Variants in PRDX6 observed in about 807,000 individuals in gnomAD.
The protein encoded by PRDX6 is peroxiredoxin 6.
PRDX6 carries 13 observed loss-of-function variants against 20.0 expected under a neutral mutation model. That is an observed-to-expected ratio of 0.65 (90% CI 0.42 to 1.03). PRDX6 has a LOEUF of 1.03. PRDX6 is among the 50% of genes least tolerant of loss of function. The pLI, the probability that PRDX6 is intolerant of heterozygous loss-of-function variation, is 0.00. For synonymous variants in PRDX6, 85 were observed against 100.8 expected, an observed-to-expected ratio of 0.84 and a Z score of 0.94; for missense variants, 203 against 276.9, an observed-to-expected ratio of 0.73 and a Z score of 1.89.
intron 1 of PRDX6, among the ~76,000 whole-genome samples, chr1:173,477,850 C>G (rs1658729477): frequency 6.6e-6 from 1 of 152,222 alleles, no homozygotes; most frequent in South Asian, 2.1e-4. Context: ...GTCCATTTAA[C>G]TCGTCTTAGT....
At position 173,487,796 on chromosome 1, in the gene PRDX6, C is replaced by T. The variant is rs201221884; in HGVS notation, c.608C>T (p.Pro203Leu). 98 of 1,614,070 alleles carry T rather than the reference C, an allele frequency of 6.1e-5. No individual in the cohort carries two copies. The African/African-American group carries it at 8.8e-4, about 14-fold the overall frequency. Residue 203 changes from proline (P) to leucine (L), a missense_variant, in exon 5 of 5, where the codon CCG (proline) becomes CTG (leucine). Physicochemically the swap from Pro to Leu is moderately conservative, Grantham distance 98. Coordinates refer to ENST00000340385, the MANE Select transcript of PRDX6 (RefSeq NM_004905.3). ...IPEEEAKKLF[P>L]KGVFTKELPS... Reference sequence around the variant, plus strand: ...GAAGAAGAAGCCAAAAAACTTTTCCCGAAAGGAGTCTTCACCAAAGAGCTC... The same window carrying T: ...GAAGAAGAAGCCAAAAAACTTTTCCTGAAAGGAGTCTTCACCAAAGAGCTC...
chr1:173,484,213 C>T (rs978213988), intron 2 of PRDX6, among the ~76,000 whole-genome samples: 1 of 144,822 alleles, frequency 6.9e-6, no homozygotes, highest in Admixed American at 6.9e-5. Flanking sequence ...TACATATGCA[C>T]ACGTATATAA....
At chr1:173,485,602 C>G (rs1658882856) in intron 3 of PRDX6, 95 bp downstream of exon 3, 1 of 1,148,778 alleles carries the variant, frequency 8.7e-7, no homozygotes, top group Admixed American at 2.9e-5. Flanking sequence ...AGGGGAATAT[C>G]TACGATTATG....
chr1:173,478,799 CTCT>C (rs1329036865), intron 1 of PRDX6, among the ~76,000 whole-genome samples: 9 of 152,156 alleles, frequency 5.9e-5, no homozygotes, highest in African/African-American at 1.9e-4. Context: ...CCTTTATAAC[CTCT>C]TAAGTCCCTT....
rs756042615 is a variant in PRDX6, at chr1:173,488,143, T to TC, written c.*280_*281insC. ...AAATCTTGTTGGATCTCTGCAGGGC[T>TC]TGTGACCAATGAAGTCATATTTGTT... On this transcript the variant is annotated 3_prime_UTR_variant, in exon 5 of 5. Coordinates refer to ENST00000340385, the MANE Select transcript of PRDX6 (RefSeq NM_004905.3). 3 of 292,570 alleles carry TC rather than the reference T, an allele frequency of 1.0e-5. No individual in the cohort carries two copies. The highest frequency in any genetic ancestry group is 1.9e-5 in the Non-Finnish European group (3 of 157,038). 18.1% of individuals were successfully genotyped at this position (292,570 alleles called of 1,614,324 possible). A position where few individuals can be genotyped will look rare whatever the true frequency, so the allele number is the denominator to read the frequency against.
intron 1 of PRDX6, among the ~76,000 whole-genome samples, chr1:173,478,032 C>CT (rs1658733072): frequency 6.6e-6 from 1 of 152,174 alleles, no homozygotes; most frequent in Non-Finnish European, 1.5e-5. Context: ...CAGCTGCTGG[C>CT]TATAGGTTAC....
intron 4 of PRDX6, among the ~76,000 whole-genome samples, chr1:173,487,279 T>C (rs1264930889): frequency 6.6e-6 from 1 of 152,134 alleles, no homozygotes; most frequent in Non-Finnish European, 1.5e-5. Context: ...GACCAAGGCA[T>C]GTATACTTGT....
intron 2 of PRDX6, 57 bp downstream of exon 2, chr1:173,481,539 A>G (rs1571396176): frequency 6.4e-7 from 1 of 1,552,388 alleles, no homozygotes; most frequent in Non-Finnish European, 8.9e-7. Flanking sequence ...GTTATAAATT[A>G]TGGAGTACTT....
intron 1 of PRDX6, among the ~76,000 whole-genome samples, chr1:173,479,151 C>T (rs1017820552): frequency 1.3e-5 from 2 of 152,156 alleles, no homozygotes; most frequent in Non-Finnish European, 2.9e-5. Context: ...TTTAAGCTAA[C>T]CATACTTTTT....
chr1:173,480,598 C>A (rs1658784585), intron 1 of PRDX6, among the ~76,000 whole-genome samples: 1 of 152,104 alleles, frequency 6.6e-6, no homozygotes, highest in Admixed American at 6.5e-5. Context: ...ATCTACATTG[C>A]AGGCTATCAA....
intron 2 of PRDX6, among the ~76,000 whole-genome samples, chr1:173,482,862 CA>C (rs1403927504): frequency 6.6e-6 from 1 of 152,150 alleles, no homozygotes. Flanking sequence ...TTTTTGCTAT[CA>C]TTTTTCATTT....
chr1:173,487,980 A>G lies in PRDX6; in HGVS notation c.*117A>G, dbSNP rs950709287. ...TCACAGCCAAGGTTTTTAGGTTGCT[A>G]TACCAATGGCTTATTAAATGAAAAT... On this transcript the variant is annotated 3_prime_UTR_variant, in exon 5 of 5. Transcript: ENST00000340385. 1.3e-5 allele frequency: 16 copies of G among 1,267,226 alleles called. No homozygotes were observed. The East Asian group carries it at 1.9e-4, about 15-fold the overall frequency. The allele number at this position is 1,267,226 out of a possible 1,614,324, so 78.5% of individuals were successfully genotyped here.
chr1:173,479,287 C>G (rs573698425), intron 1 of PRDX6, among the ~76,000 whole-genome samples: 1 of 152,258 alleles, frequency 6.6e-6, no homozygotes, highest in East Asian at 1.9e-4. Flanking sequence ...ATATACAAGT[C>G]TGCCTAGGAT....
At chr1:173,484,628 G>A (rs184005059) in intron 2 of PRDX6, among the ~76,000 whole-genome samples, 3 of 152,040 alleles carry the variant, frequency 2.0e-5, no homozygotes. Flanking sequence ...AAGCTTCCAG[G>A]GATAGGAAAA....
chr1:173,482,410 C>CAG (rs1484469545), intron 2 of PRDX6, among the ~76,000 whole-genome samples: 2 of 152,204 alleles, frequency 1.3e-5, no homozygotes, highest in African/African-American at 2.4e-5. Flanking sequence ...TCAGCAGGAA[C>CAG]AGAGACTCCT....
At position 173,487,986 on chromosome 1, in the gene PRDX6, A is replaced by AGGTTTTTAGG. The variant is rs1238566900; in HGVS notation, c.*123_*124insGGTTTTTAGG. 85 of 1,183,862 alleles carry AGGTTTTTAGG rather than the reference A, an allele frequency of 7.2e-5. No individual in the cohort carries two copies. The African/African-American group carries it at 1.1e-3, about 16-fold the overall frequency. The allele number at this position is 1,183,862 out of a possible 1,614,324, so 73.3% of individuals were successfully genotyped here. A position where few individuals can be genotyped will look rare whatever the true frequency, so the allele number is the denominator to read the frequency against. ...CCAAGGTTTTTAGGTTGCTATACCAATGGCTTATTAAATGAAAATGGCACT... is the reference window on the plus strand; with the variant it reads ...CCAAGGTTTTTAGGTTGCTATACCAAGGTTTTTAGGTGGCTTATTAAATGAAAATGGCACT... On this transcript the variant is annotated 3_prime_UTR_variant, in exon 5 of 5. Coordinates refer to ENST00000340385, the MANE Select transcript of PRDX6 (RefSeq NM_004905.3).
At chr1:173,485,192 T>C (rs977058468) in intron 2 of PRDX6, among the ~76,000 whole-genome samples, 169 bp from the exon 3 acceptor site, 29 of 152,346 alleles carry the variant, frequency 1.9e-4, no homozygotes, top group African/African-American at 6.3e-4. Context: ...CTGGCAATAA[T>C]TGGAATGAAG....
At chr1:173,483,337 A>T (rs1013925313) in intron 2 of PRDX6, among the ~76,000 whole-genome samples, 1 of 152,240 alleles carries the variant, frequency 6.6e-6, no homozygotes. Flanking sequence ...TGCCTCTAGC[A>T]TGAGACTATA....
intron 2 of PRDX6, among the ~76,000 whole-genome samples, chr1:173,483,120 A>G (rs1048095584): frequency 2.6e-5 from 4 of 152,340 alleles, no homozygotes; most frequent in East Asian, 3.9e-4. Context: ...GTGCACAGCA[A>G]TAATTAAAGT....
Sources: allele counts gnomAD v4.1 joint callset (sites outside exome capture counted in the v4.1 genomes callset), GRCh38; gene constraint gnomAD v4.1.1; transcripts MANE v1.5; gene names NCBI Gene and HGNC (gene_info 2026-07-23, HGNC 2026-07-21).